The following EXT1 variants were observed in gnomAD, a reference collection of about 807,000 sequenced individuals.
The protein encoded by EXT1 is exostosin-1.
A neutral mutation model predicts 82.5 loss-of-function variants in EXT1; 20 were observed. The ratio of observed to expected loss-of-function variants is 0.24; its 90% CI spans 0.17 to 0.35. The LOEUF is 0.35. EXT1 is among the 10% of genes least tolerant of loss of function. The pLI, the probability that EXT1 is intolerant of heterozygous loss-of-function variation, is 1.00. For synonymous variants in EXT1, 348 were observed against 350.8 expected, an observed-to-expected ratio of 0.99 and a Z score of 0.09; for missense variants, 757 against 936.5, an observed-to-expected ratio of 0.81 and a Z score of 2.50.
At chr8:118,108,867 T>C (rs1817841563) in intron 1 of EXT1, among the ~76,000 whole-genome samples, 1 of 152,224 alleles carries the variant, frequency 6.6e-6, no homozygotes, top group African/African-American at 2.4e-5. Context: ...CTGCATTTCA[T>C]GAATCAATTG....
chr8:118,094,001 A>G (rs1817566416), intron 1 of EXT1, among the ~76,000 whole-genome samples: 1 of 152,226 alleles, frequency 6.6e-6, no homozygotes. Flanking sequence ...GTGCCCCTGC[A>G]CGGTGGAATC....
At chr8:118,062,142 C>T (rs1234245296) in intron 1 of EXT1, among the ~76,000 whole-genome samples, 1 of 152,160 alleles carries the variant, frequency 6.6e-6, no homozygotes, top group Non-Finnish European at 1.5e-5. Flanking sequence ...TGTTCCATGA[C>T]TTCCAGCTTT....
Position 117,904,878 on chromosome 8 carries a change from G to C in EXT1, c.963-67677C>G, listed in dbSNP as rs1219449917. Among the ~76,000 whole-genome samples, 5 of 152,172 alleles carry C rather than the reference G, an allele frequency of 3.3e-5. No individual in the cohort carries two copies. In the East Asian group the frequency reaches 9.7e-4, roughly 29 times the overall value. The stretch of plus-strand genomic sequence containing the variant: ...GTGTGAAGAAAAAAAAAATTACCCT[G>C]TGGTTAGTTTCTACTCACTTTAAGA... On this transcript the variant is annotated intron_variant, in intron 1 of 10. Coordinates refer to ENST00000378204, the MANE Select transcript of EXT1 (RefSeq NM_000127.3).
chr8:117,819,869 G>A (rs1811894869), intron 5 of EXT1, 75 bp from the exon 6 acceptor site: 8 of 1,307,616 alleles, frequency 6.1e-6, no homozygotes, highest in South Asian at 1.2e-5. Context: ...TCCTTGCTCC[G>A]CTGCCTCATG....
intron 1 of EXT1, among the ~76,000 whole-genome samples, chr8:118,096,628 A>G (rs1282005748): frequency 1.2e-4 from 2 of 17,138 alleles, no homozygotes; most frequent in African/African-American, 2.2e-4. Context: ...AGGAGGAAGG[A>G]AGGAAGGAAG....
chr8:117,879,155 G>T (rs796563309), intron 1 of EXT1, among the ~76,000 whole-genome samples: 11 of 152,324 alleles, frequency 7.2e-5, no homozygotes, highest in African/African-American at 2.4e-4. Context: ...ACTCAGTGAT[G>T]AATAGGTTGT....
intron 1 of EXT1, among the ~76,000 whole-genome samples, chr8:118,065,136 A>G (rs543436244): frequency 1.1e-4 from 16 of 152,250 alleles, no homozygotes; most frequent in African/African-American, 3.9e-4. Flanking sequence ...TACAGGCATG[A>G]GTCACCGCCC....
At chr8:117,966,696 AAATAATTCTCCATTTTGATG>A (rs1473917801) in intron 1 of EXT1, among the ~76,000 whole-genome samples, 2 of 152,238 alleles carry the variant, frequency 1.3e-5, no homozygotes, top group African/African-American at 4.8e-5. Flanking sequence ...ACATGCAAAC[AAATAATTCTCCATTTTGATG>A]AAGGGAAAGA....
At chr8:117,961,812 T>A (rs1241048774) in intron 1 of EXT1, among the ~76,000 whole-genome samples, 2 of 152,182 alleles carry the variant, frequency 1.3e-5, no homozygotes, top group East Asian at 3.9e-4. Flanking sequence ...GCTGAGCTCC[T>A]GCTGCTGGCC....
At chr8:117,859,884 C>G (rs1256091664) in intron 1 of EXT1, among the ~76,000 whole-genome samples, 1 of 152,140 alleles carries the variant, frequency 6.6e-6, no homozygotes, top group Non-Finnish European at 1.5e-5. Flanking sequence ...CAGTGGCTCA[C>G]GCCTGTAATC....
chr8:117,826,960 A>G (rs1812017221), intron 4 of EXT1, among the ~76,000 whole-genome samples: 1 of 152,228 alleles, frequency 6.6e-6, no homozygotes, highest in Admixed American at 6.5e-5. Context: ...TGCTAACTTA[A>G]TAGGTGAGAG....
At chr8:118,011,028 G>A (rs1400674736) in intron 1 of EXT1, among the ~76,000 whole-genome samples, 1 of 152,198 alleles carries the variant, frequency 6.6e-6, no homozygotes, top group Non-Finnish European at 1.5e-5. Flanking sequence ...CCATCAAGAT[G>A]TGCACATGAA....
chr8:117,801,773 T>C (rs1823169826), intron 10 of EXT1, among the ~76,000 whole-genome samples: 1 of 152,216 alleles, frequency 6.6e-6, no homozygotes, highest in Admixed American at 6.5e-5. Flanking sequence ...CCCAAAATGC[T>C]GGGATTATAG....
At chr8:117,859,815 T>C (rs1308295976) in intron 1 of EXT1, among the ~76,000 whole-genome samples, 1 of 152,186 alleles carries the variant, frequency 6.6e-6, no homozygotes, top group East Asian at 1.9e-4. Context: ...TATGTATGTA[T>C]ATACCATGGG....
chr8:117,954,877 C>T (rs1365368345), intron 1 of EXT1, among the ~76,000 whole-genome samples: 2 of 152,126 alleles, frequency 1.3e-5, no homozygotes, highest in Non-Finnish European at 2.9e-5. Flanking sequence ...ACAGTAATTA[C>T]CCAGAGTTAA....
intron 1 of EXT1, among the ~76,000 whole-genome samples, chr8:118,027,831 G>A (rs1407322845): frequency 5.3e-5 from 8 of 152,138 alleles, no homozygotes; most frequent in South Asian, 2.1e-4. Flanking sequence ...ATTTGCAGCC[G>A]CTCCCCAGTT....
intron 1 of EXT1, among the ~76,000 whole-genome samples, chr8:117,894,618 C>A (rs185620468): frequency 6.6e-6 from 1 of 152,150 alleles, no homozygotes; most frequent in Non-Finnish European, 1.5e-5. Context: ...GGGAGAGATA[C>A]GTCCCTTTGG....
intron 1 of EXT1, among the ~76,000 whole-genome samples, chr8:118,065,458 A>G (rs1816969179): frequency 6.6e-6 from 1 of 152,200 alleles, no homozygotes; most frequent in African/African-American, 2.4e-5. Flanking sequence ...ACCAGACCAG[A>G]AAAACCAGGA....
At chr8:118,068,222 A>G (rs936466442) in intron 1 of EXT1, among the ~76,000 whole-genome samples, 1 of 152,238 alleles carries the variant, frequency 6.6e-6, no homozygotes, top group African/African-American at 2.4e-5. Context: ...GTTCTTAACC[A>G]TTCTTCAAAC....
Sources: gnomAD v4.1 joint callset for allele counts (sites outside exome capture counted in the v4.1 genomes callset) on GRCh38, gnomAD v4.1.1 for gene constraint, MANE v1.5 for transcripts, NCBI Gene and HGNC (gene_info 2026-07-23, HGNC 2026-07-21) for gene names.